Variants in EML1 observed in about 807,000 individuals in gnomAD.
EML1 encodes echinoderm microtubule-associated protein-like 1.
A neutral mutation model predicts 110.4 loss-of-function variants in EML1; 27 were observed. That is an observed-to-expected ratio of 0.24 (90% CI 0.18 to 0.34). The LOEUF (loss-of-function observed/expected upper bound fraction) is 0.34, where lower values mean the gene tolerates loss of function less well. EML1 is among the 10% of genes least tolerant of loss of function. The pLI is 1.00. For synonymous variants in EML1, 344 were observed against 385.8 expected, an observed-to-expected ratio of 0.89 and a Z score of 1.27; for missense variants, 741 against 1,030.9, an observed-to-expected ratio of 0.72 and a Z score of 3.85.
chr14:99,841,125 G>A (rs776182546), intron 1 of EML1, among the ~76,000 whole-genome samples: 30 of 152,206 alleles, frequency 2.0e-4, no homozygotes, highest in African/African-American at 2.2e-4. Context: ...GCCACTGGTC[G>A]TGTGCTGCCA....
At chr14:99,851,684 GA>G (rs1275433562) in intron 2 of EML1, among the ~76,000 whole-genome samples, 1 of 152,116 alleles carries the variant, frequency 6.6e-6, no homozygotes, top group African/African-American at 2.4e-5. Context: ...GCCACTTTTG[GA>G]GGTTGTTCTA....
intron 1 of EML1, among the ~76,000 whole-genome samples, chr14:99,759,739 G>A (rs944482936): frequency 1.3e-5 from 2 of 152,186 alleles, no homozygotes; most frequent in Admixed American, 6.5e-5. Context: ...TGCGCAGGCT[G>A]AGCTGAGCCT....
chr14:99,739,461 G>C (rs530908885), intron 1 of EML1, among the ~76,000 whole-genome samples: 4 of 152,336 alleles, frequency 2.6e-5, no homozygotes, highest in African/African-American at 9.6e-5. Flanking sequence ...GCACGTGTGT[G>C]CGCAGCCTGG....
intron 3 of EML1, among the ~76,000 whole-genome samples, chr14:99,875,615 G>A (rs917271358): frequency 2.0e-5 from 3 of 152,146 alleles, no homozygotes; most frequent in African/African-American, 7.2e-5. Context: ...CGCCCCAGAA[G>A]CTGTGCTCTG....
intron 1 of EML1, among the ~76,000 whole-genome samples, chr14:99,845,953 G>A (rs908861004): frequency 5.3e-5 from 8 of 151,676 alleles, no homozygotes; most frequent in African/African-American, 1.9e-4. Flanking sequence ...AGGAGGCTGA[G>A]GCAGGAGAAT....
intron 16 of EML1, 145 bp downstream of exon 16, chr14:99,917,994 C>A: frequency 1.3e-6 from 1 of 796,040 alleles, no homozygotes; most frequent in Non-Finnish European, 2.0e-6. Flanking sequence ...AAGTTAAAAG[C>A]GAAACTTGAA....
At position 99,941,214 on chromosome 14, in the gene EML1, T is replaced by G. The variant is rs1343925588; in HGVS notation, c.*1102T>G. 2 of 152,258 alleles carry G rather than the reference T, an allele frequency of 1.3e-5. No homozygotes were observed. The highest frequency in any genetic ancestry group is 2.9e-5 in the Non-Finnish European group (2 of 68,042). The allele number at this position is 152,258 out of a possible 1,614,324, so 9.4% of individuals were successfully genotyped here. On this transcript the variant is annotated 3_prime_UTR_variant, in exon 22 of 22. Coordinates refer to ENST00000262233, the MANE Select transcript of EML1 (RefSeq NM_004434.3). ...GTCAAGAAGGCCTTATCCATTTCGATTGTGTGACAGATTGAAATTTATTGT... is the reference window on the plus strand; with the variant it reads ...GTCAAGAAGGCCTTATCCATTTCGAGTGTGTGACAGATTGAAATTTATTGT...
intron 1 of EML1, among the ~76,000 whole-genome samples, chr14:99,815,567 T>G (rs1180353087): frequency 6.6e-6 from 1 of 152,230 alleles, no homozygotes; most frequent in Non-Finnish European, 1.5e-5. Flanking sequence ...CTGCAAACAA[T>G]GGTTTCTTTT....
At chr14:99,870,790 G>A (rs2059184916) in intron 3 of EML1, among the ~76,000 whole-genome samples, 1 of 152,112 alleles carries the variant, frequency 6.6e-6, no homozygotes. Flanking sequence ...CTACTGCTCG[G>A]AAGAAAAAGC....
chr14:99,877,479 A>G (rs1205075706), intron 3 of EML1, among the ~76,000 whole-genome samples: 1 of 152,086 alleles, frequency 6.6e-6, no homozygotes, highest in Non-Finnish European at 1.5e-5. Context: ...GGCTCTTTCC[A>G]TCTGTGTCAT....
chr14:99,860,669 A>G (rs1409989761), intron 2 of EML1, among the ~76,000 whole-genome samples: 1 of 152,194 alleles, frequency 6.6e-6, no homozygotes, highest in African/African-American at 2.4e-5. Flanking sequence ...TTACGATGCT[A>G]TTTAATCAGT....
At chr14:99,830,150 A>G (rs1405093072) in intron 1 of EML1, among the ~76,000 whole-genome samples, 2 of 152,148 alleles carry the variant, frequency 1.3e-5, no homozygotes, top group Admixed American at 6.5e-5. Context: ...ATTCTTGCCA[A>G]TGCTTGTTAT....
At chr14:99,786,770 T>C (rs1041515684) in intron 1 of EML1, among the ~76,000 whole-genome samples, 2 of 152,116 alleles carry the variant, frequency 1.3e-5, no homozygotes, top group African/African-American at 2.4e-5. Flanking sequence ...TGCCAAGATG[T>C]TTGCACTTAA....
chr14:99,918,771 C>T (rs2060076360), intron 16 of EML1, among the ~76,000 whole-genome samples: 1 of 152,104 alleles, frequency 6.6e-6, no homozygotes, highest in Non-Finnish European at 1.5e-5. Context: ...ACTATGATTG[C>T]ACCACTGTAC....
chr14:99,746,984 G>A (rs1188440429), intron 1 of EML1, among the ~76,000 whole-genome samples: 1 of 152,046 alleles, frequency 6.6e-6, no homozygotes, highest in African/African-American at 2.4e-5. Flanking sequence ...TCTATCGGGC[G>A]CTGTGCCCCA....
intron 2 of EML1, among the ~76,000 whole-genome samples, chr14:99,856,077 C>G (rs2058897299): frequency 6.6e-6 from 1 of 152,210 alleles, no homozygotes; most frequent in African/African-American, 2.4e-5. Flanking sequence ...TTTCACCCCT[C>G]CACGTTTCTG....
At chr14:99,823,702 A>T (rs768062030) in intron 1 of EML1, among the ~76,000 whole-genome samples, 1 of 152,016 alleles carries the variant, frequency 6.6e-6, no homozygotes, top group Non-Finnish European at 1.5e-5. Context: ...TTCTAGTGGG[A>T]GAGGGACAGT....
intron 1 of EML1, among the ~76,000 whole-genome samples, chr14:99,832,417 G>A (rs184289001): frequency 1.4e-3 from 212 of 152,248 alleles, no homozygotes; most frequent in Admixed American, 0.013. Flanking sequence ...TGGAATGGCC[G>A]GACTCAATAG....
intron 1 of EML1, among the ~76,000 whole-genome samples, chr14:99,822,692 A>G (rs531103193): frequency 6.6e-6 from 1 of 152,250 alleles, no homozygotes; most frequent in South Asian, 2.1e-4. Context: ...TGATTGTGCC[A>G]AGAAATGCCG....
Sources: gnomAD v4.1 joint callset for allele counts (sites outside exome capture counted in the v4.1 genomes callset) on GRCh38, gnomAD v4.1.1 for gene constraint, MANE v1.5 for transcripts, NCBI Gene and HGNC (gene_info 2026-07-23, HGNC 2026-07-21) for gene names.